LRRTM4: variants seen among roughly 807,000 people sequenced by gnomAD.
LRRTM4 encodes leucine rich repeat transmembrane neuronal 4.
In LRRTM4, 25 loss-of-function variants were observed where a neutral mutation model predicts 47.6. The observed-to-expected ratio is 0.53, with a 90% CI of 0.38 to 0.73. The LOEUF (loss-of-function observed/expected upper bound fraction) is 0.73. Ranked by LOEUF, LRRTM4 falls within the 30% of genes least tolerant of loss-of-function variation. The pLI is 0.00. For missense variants in LRRTM4, 638 were observed against 713.4 expected (o/e 0.89, Z 1.20); for synonymous variants, 311 against 269.5 (o/e 1.15, Z -1.51).
intron 3 of LRRTM4, among the ~76,000 whole-genome samples, chr2:76,819,019 A>G (rs181985637): frequency 7.2e-5 from 11 of 151,916 alleles, no homozygotes; most frequent in Admixed American, 5.3e-4. Flanking sequence ...CAAAGAAAAG[A>G]GCAGAACAAT....
intron 3 of LRRTM4, among the ~76,000 whole-genome samples, chr2:77,074,637 G>A (rs919350480): frequency 2.0e-5 from 3 of 151,950 alleles, no homozygotes; most frequent in Admixed American, 1.3e-4. Context: ...GTGAATTATA[G>A]TCTACTACAA....
At chr2:76,847,590 A>G (rs1048751060) in intron 3 of LRRTM4, among the ~76,000 whole-genome samples, 15 of 151,982 alleles carry the variant, frequency 9.9e-5, no homozygotes, top group African/African-American at 3.1e-4. Flanking sequence ...TATCTTTTGA[A>G]TTATTTTTAT....
chr2:77,276,916 G>A (rs1236550222), intron 3 of LRRTM4, among the ~76,000 whole-genome samples: 3 of 151,296 alleles, frequency 2.0e-5, no homozygotes, highest in Non-Finnish European at 3.0e-5. Context: ...GGCAAATTTC[G>A]AGGCCAGGAA....
At chr2:77,191,202 T>C (rs563552684) in intron 3 of LRRTM4, among the ~76,000 whole-genome samples, 39 of 151,760 alleles carry the variant, frequency 2.6e-4, no homozygotes, top group Middle Eastern at 3.5e-3. Flanking sequence ...CAGAAATGAG[T>C]AATACCAGTT....
chr2:77,006,760 A>G (rs1677666982), intron 3 of LRRTM4, among the ~76,000 whole-genome samples: 1 of 152,172 alleles, frequency 6.6e-6, no homozygotes, highest in Non-Finnish European at 1.5e-5. Flanking sequence ...GTGCTTGTCT[A>G]TGGCAGGTGG....
At chr2:76,994,724 T>G (rs1255648214) in intron 3 of LRRTM4, among the ~76,000 whole-genome samples, 1 of 152,024 alleles carries the variant, frequency 6.6e-6, no homozygotes, top group Admixed American at 6.6e-5. Flanking sequence ...ACTGAAGATT[T>G]ATCTCATGAT....
intron 3 of LRRTM4, among the ~76,000 whole-genome samples, chr2:76,909,114 C>G (rs1448983537): frequency 6.6e-6 from 1 of 152,116 alleles, no homozygotes; most frequent in African/African-American, 2.4e-5. Flanking sequence ...CTACAGTAAC[C>G]AAAACAGCAT....
At chr2:76,950,186 T>A (rs1275044960) in intron 3 of LRRTM4, among the ~76,000 whole-genome samples, 1 of 151,956 alleles carries the variant, frequency 6.6e-6, no homozygotes, top group Non-Finnish European at 1.5e-5. Context: ...AATCCTTAAA[T>A]AGCTCTGCCA....
chr2:76,766,641 GGTA>G, intron 3 of LRRTM4, among the ~76,000 whole-genome samples: 1 of 152,266 alleles, frequency 6.6e-6, no homozygotes, highest in South Asian at 2.1e-4. Context: ...CAATAGGAGA[GGTA>G]GTATTTATTT....
At chr2:76,758,203 C>T (rs758130041) in intron 3 of LRRTM4, among the ~76,000 whole-genome samples, 6 of 152,160 alleles carry the variant, frequency 3.9e-5, no homozygotes, top group Non-Finnish European at 7.4e-5. Flanking sequence ...ATATTCACTT[C>T]GTGACCCTCC....
chr2:77,029,080 A>T (rs1009480763), intron 3 of LRRTM4, among the ~76,000 whole-genome samples: 1 of 146,558 alleles, frequency 6.8e-6, no homozygotes, highest in South Asian at 2.1e-4. Context: ...TAATATATAT[A>T]TATTATATAT....
chr2:76,990,577 T>G (rs1676968429), intron 3 of LRRTM4, among the ~76,000 whole-genome samples: 2 of 151,226 alleles, frequency 1.3e-5, no homozygotes, highest in Non-Finnish European at 3.0e-5. Context: ...TGACAAAGGG[T>G]TCAATTTAAC....
At chr2:76,965,619 G>C (rs192850069) in intron 3 of LRRTM4, among the ~76,000 whole-genome samples, 8 of 151,220 alleles carry the variant, frequency 5.3e-5, no homozygotes, top group Admixed American at 5.3e-4. Context: ...AAAAAAAACA[G>C]TATTCAAAAC....
In LRRTM4 at chr2:76,766,244, T is replaced by A. The variant is rs118178238; in HGVS notation, c.1552-17328A>T. 2.6e-4 allele frequency among the ~76,000 whole-genome samples: 39 copies of A among 152,304 alleles called. 1 individual carries two copies. In the East Asian group the frequency reaches 7.4e-3, roughly 29 times the overall value. On this transcript the variant is annotated intron_variant, in intron 3 of 3. Coordinates refer to ENST00000409884, the MANE Select transcript of LRRTM4 (RefSeq NM_001134745.3). ...GGAGGGGGTTATACATGTGGCGAAT[T>A]GTTCCTTTCTTGTGCTAAGTTACAT...
At chr2:77,031,867 A>T (rs1678671086) in intron 3 of LRRTM4, among the ~76,000 whole-genome samples, 1 of 152,246 alleles carries the variant, frequency 6.6e-6, no homozygotes, top group South Asian at 2.1e-4. Context: ...CGTCTTCCTG[A>T]ATGTCTATCT....
At chr2:76,969,985 A>G (rs1422828439) in intron 3 of LRRTM4, among the ~76,000 whole-genome samples, 1 of 151,940 alleles carries the variant, frequency 6.6e-6, no homozygotes, top group Non-Finnish European at 1.5e-5. Context: ...TGTAACTTCA[A>G]ATCAGAAACA....
chr2:76,852,319 A>G (rs1573211936), intron 3 of LRRTM4, among the ~76,000 whole-genome samples: 2 of 152,264 alleles, frequency 1.3e-5, no homozygotes, highest in East Asian at 1.9e-4. Context: ...GCTTCGTACC[A>G]TCCTTGAAGC....
At chr2:76,828,258 A>G (rs1250769925) in intron 3 of LRRTM4, among the ~76,000 whole-genome samples, 5 of 151,924 alleles carry the variant, frequency 3.3e-5, no homozygotes, top group African/African-American at 1.2e-4. Context: ...TTCCTCCAAA[A>G]TTGCAGTAAA....
chr2:76,780,118 T>C (rs1284108905), intron 3 of LRRTM4, among the ~76,000 whole-genome samples: 1 of 152,278 alleles, frequency 6.6e-6, no homozygotes, highest in Non-Finnish European at 1.5e-5. Context: ...GCAGGGTTTC[T>C]GCCGAGAGAT....
Sources: allele counts gnomAD v4.1 joint callset (sites outside exome capture counted in the v4.1 genomes callset), GRCh38; gene constraint gnomAD v4.1.1; transcripts MANE v1.5; gene names NCBI Gene and HGNC (gene_info 2026-07-23, HGNC 2026-07-21).